Variants in BCKDHB observed in about 807,000 individuals in gnomAD.
BCKDHB encodes the protein 2-oxoisovalerate dehydrogenase subunit beta, mitochondrial.
BCKDHB carries 41 observed loss-of-function variants against 48.5 expected under a neutral mutation model. The ratio of observed to expected loss-of-function variants is 0.85; its 90% confidence interval spans 0.66 to 1.10. The LOEUF (loss-of-function observed/expected upper bound fraction) is 1.10. Among genes scored for constraint, BCKDHB ranks in the 50% least tolerant of loss-of-function variants. The probability of loss-of-function intolerance (pLI) is 0.00; values close to 1 mark genes in which losing one functional copy is unlikely to be tolerated. For synonymous variants in BCKDHB, 201 were observed against 174.8 expected (o/e 1.15, Z -1.18); for missense variants, 496 against 494.2 (o/e 1.00, Z -0.03).
chr6:80,438,885 G>A, the BCKDHB span, among the ~76,000 whole-genome samples: 7 of 152,134 alleles, frequency 4.6e-5, no homozygotes, highest in Non-Finnish European at 4.4e-5. Flanking sequence ...GTAACAGAGC[G>A]GAAGTAAATA....
At chr6:80,413,272 C>A in the BCKDHB span, among the ~76,000 whole-genome samples, 1 of 152,004 alleles carries the variant, frequency 6.6e-6, no homozygotes, top group African/African-American at 2.4e-5. Context: ...TTAAGCTCAC[C>A]GTAAGTATGT....
chr6:80,147,586 G>A (rs941982241), intron 3 of BCKDHB, among the ~76,000 whole-genome samples: 2 of 152,100 alleles, frequency 1.3e-5, no homozygotes, highest in Non-Finnish European at 2.9e-5. Context: ...GTGTAGAGAA[G>A]CTGAGACTAA....
intron 8 of BCKDHB, among the ~76,000 whole-genome samples, chr6:80,241,117 TC>T (rs1776368533): frequency 6.6e-6 from 1 of 152,120 alleles, no homozygotes; most frequent in Non-Finnish European, 1.5e-5. Flanking sequence ...TTTAAGGTCT[TC>T]TCTATGCTGT....
intron 9 of BCKDHB, among the ~76,000 whole-genome samples, chr6:80,328,093 C>A (rs1378789672): frequency 1.3e-5 from 2 of 152,038 alleles, no homozygotes; most frequent in African/African-American, 2.4e-5. Flanking sequence ...GTTTCTGTTA[C>A]CAGTATTGAG....
the BCKDHB span, among the ~76,000 whole-genome samples, chr6:80,411,285 G>A: frequency 6.6e-6 from 1 of 152,198 alleles, no homozygotes; most frequent in Non-Finnish European, 1.5e-5. Context: ...CTGCAGAACA[G>A]CAAGTATTGC....
At chr6:80,317,646 T>C (rs1768517626) in intron 9 of BCKDHB, among the ~76,000 whole-genome samples, 1 of 152,180 alleles carries the variant, frequency 6.6e-6, no homozygotes, top group African/African-American at 2.4e-5. Flanking sequence ...CAAAGTCCCT[T>C]TTGCCATGTA....
intron 3 of BCKDHB, among the ~76,000 whole-genome samples, chr6:80,150,756 C>T (rs1444543147): frequency 6.6e-6 from 1 of 151,814 alleles, no homozygotes; most frequent in African/African-American, 2.4e-5. Flanking sequence ...GGAGTTTCAC[C>T]ATGTTGGCCA....
At chr6:80,456,985 ACT>A in the BCKDHB span, among the ~76,000 whole-genome samples, 1 of 152,160 alleles carries the variant, frequency 6.6e-6, no homozygotes, top group Non-Finnish European at 1.5e-5. Flanking sequence ...GCCACAATAA[ACT>A]GTTTTTTTAA....
chr6:80,224,892 C>G (rs908638586), intron 8 of BCKDHB, among the ~76,000 whole-genome samples: 5 of 152,204 alleles, frequency 3.3e-5, no homozygotes, highest in Non-Finnish European at 5.9e-5. Context: ...GACACCCTGA[C>G]AGATGGTTGC....
intron 3 of BCKDHB, among the ~76,000 whole-genome samples, chr6:80,146,586 A>T (rs1239983974): frequency 6.6e-6 from 1 of 152,160 alleles, no homozygotes; most frequent in Non-Finnish European, 1.5e-5. Context: ...GGAAGCTGGA[A>T]GGTAAAGGAC....
chr6:80,366,384 A>G, the BCKDHB span, among the ~76,000 whole-genome samples: 8 of 152,188 alleles, frequency 5.3e-5, no homozygotes, highest in Admixed American at 3.9e-4. Context: ...CACACCAAAT[A>G]TGGCTGTCTA....
intron 8 of BCKDHB, among the ~76,000 whole-genome samples, chr6:80,234,056 C>G (rs1413723874): frequency 1.3e-5 from 2 of 152,144 alleles, no homozygotes; most frequent in East Asian, 3.9e-4. Flanking sequence ...ATGCACAGTT[C>G]ACAATAGTGT....
At chr6:80,122,592 C>A (rs1770089382) in intron 1 of BCKDHB, among the ~76,000 whole-genome samples, 1 of 152,106 alleles carries the variant, frequency 6.6e-6, no homozygotes, top group Admixed American at 6.6e-5. Context: ...AGGCTCAAAC[C>A]AACAAGTTTT....
intron 3 of BCKDHB, among the ~76,000 whole-genome samples, chr6:80,160,059 A>AAACT (rs770354107): frequency 3.0e-4 from 46 of 152,364 alleles, no homozygotes; most frequent in South Asian, 6.2e-4. Flanking sequence ...ATAAACTCTA[A>AAACT]AACTAATTAA....
At chr6:80,235,229 G>A (rs906776571) in intron 8 of BCKDHB, among the ~76,000 whole-genome samples, 1 of 152,198 alleles carries the variant, frequency 6.6e-6, no homozygotes, top group Admixed American at 6.5e-5. Flanking sequence ...GATTTGATCA[G>A]TATGCACTGT....
chr6:80,202,794 C>A (rs933777788), intron 7 of BCKDHB, among the ~76,000 whole-genome samples: 1 of 140,456 alleles, frequency 7.1e-6, no homozygotes, highest in South Asian at 2.5e-4. Flanking sequence ...CCCTTTACTT[C>A]TCCCTCTACA....
intron 3 of BCKDHB, among the ~76,000 whole-genome samples, chr6:80,159,646 A>C (rs1392607623): frequency 6.6e-6 from 1 of 152,184 alleles, no homozygotes; most frequent in Admixed American, 6.5e-5. Flanking sequence ...TTTCATCATC[A>C]AGCTTTAATA....
chr6:80,463,292 C>T, the BCKDHB span: 1 of 152,076 alleles, frequency 6.6e-6, no homozygotes, highest in Non-Finnish European at 1.5e-5. Flanking sequence ...GTTTTTCTAG[C>T]CAAATTGAAA....
At chr6:80,193,478 G>C (rs1023868215) in intron 6 of BCKDHB, among the ~76,000 whole-genome samples, 2 of 152,042 alleles carry the variant, frequency 1.3e-5, no homozygotes, top group Non-Finnish European at 2.9e-5. Flanking sequence ...CAGCACTTTG[G>C]GAGGCCGAGG....
Sources: gnomAD v4.1 joint callset for allele counts (sites outside exome capture counted in the v4.1 genomes callset) on GRCh38, gnomAD v4.1.1 for gene constraint, MANE v1.5 for transcripts, NCBI Gene and HGNC (gene_info 2026-07-23, HGNC 2026-07-21) for gene names.